The following PTGER3 variants were observed in gnomAD, a reference collection of about 807,000 sequenced individuals.
The protein encoded by PTGER3 is prostaglandin E receptor 3, also known as prostaglandin E2 receptor EP3 subtype.
A neutral mutation model predicts 34.7 loss-of-function variants in PTGER3; 22 were observed. The ratio of observed to expected loss-of-function variants is 0.63; its 90% CI spans 0.45 to 0.91. The LOEUF is 0.91. PTGER3 is among the 40% of genes least tolerant of loss of function. The pLI is 0.00. For missense variants in PTGER3, 468 were observed against 519.4 expected, an observed-to-expected ratio of 0.90 and a Z score of 0.96; for synonymous variants, 241 against 230.1, an observed-to-expected ratio of 1.05 and a Z score of -0.43.
intron 4 of PTGER3, among the ~76,000 whole-genome samples, chr1:70,897,386 A>C (rs913882845): frequency 1.3e-5 from 2 of 152,220 alleles, no homozygotes; most frequent in African/African-American, 4.8e-5. Flanking sequence ...TGCTGTCACC[A>C]AATGACTCTG....
rs184317831 is a variant in PTGER3 at position 70,885,926 on chromosome 1, T to C, written c.*24-33067A>G. On this transcript the variant is annotated intron_variant, in intron 4 of 4. Coordinates refer to the PTGER3 transcript ENST00000370931. Reference sequence around the variant, plus strand: ...CCTGATAGAAAAAATAATACTGTCCTTTTGTGACCATTTCTTATGCTTCAG... The same window carrying C: ...CCTGATAGAAAAAATAATACTGTCCCTTTGTGACCATTTCTTATGCTTCAG... Among the ~76,000 whole-genome samples the C allele has an allele frequency of 2.6e-5, 4 of 152,276 alleles. No individual in the cohort carries two copies. In the East Asian group the frequency reaches 7.7e-4, roughly 29 times the overall value.
At chr1:70,970,588 C>T (rs1436028281), downstream of PTGER3, among the ~76,000 whole-genome samples, 1 of 151,956 alleles carries the variant, frequency 6.6e-6, no homozygotes, top group African/African-American at 2.4e-5. Context: ...CCCAAGATGT[C>T]CTATAGGTGA....
In PTGER3 at chr1:71,009,218, C is replaced by T. The variant is rs949914074; in HGVS notation, c.1077+3087G>A. 12 of 985,260 alleles carry T rather than the reference C, an allele frequency of 1.2e-5. No homozygotes were observed. The South Asian group carries it at 4.7e-4, about 39-fold the overall frequency. 61.0% of individuals were successfully genotyped at this position (985,260 alleles called of 1,614,324 possible). A position where few individuals can be genotyped will look rare whatever the true frequency, so the allele number is the denominator to read the frequency against. On this transcript the variant is annotated intron_variant, in intron 2 of 3. Transcript: ENST00000306666. ...TACTGTTTGCCAGTTTTTAGTTTGT[C>T]TGTCACTCAATGCCAATGTGCTCAC...
chr1:70,897,360 T>C lies in PTGER3; in HGVS notation c.*24-44501A>G, dbSNP rs139004614. On this transcript the variant is annotated intron_variant, in intron 4 of 4. Coordinates refer to the PTGER3 transcript ENST00000370931. ...AATGAATAGTAAAAAAGAGGAGTTC[T>C]AAGGATATCAATCCCTGCTGTCACC... Among the ~76,000 whole-genome samples, 88 of 152,326 alleles carry C rather than the reference T, an allele frequency of 5.8e-4. 1 individual carries two copies. Among genetic ancestry groups the C allele is most frequent in the African/African-American group, 2.1e-3 (86 of 41,578 alleles).
At chr1:70,980,911 G>T (rs1435002018) in intron 2 of PTGER3, among the ~76,000 whole-genome samples, 1 of 152,066 alleles carries the variant, frequency 6.6e-6, no homozygotes, top group Non-Finnish European at 1.5e-5. Context: ...CAAGCAATAG[G>T]TTAGCCACTG....
chr1:71,042,551 T>C (rs1271431571), intron 1 of PTGER3, among the ~76,000 whole-genome samples: 3 of 152,174 alleles, frequency 2.0e-5, no homozygotes, highest in Admixed American at 2.0e-4. Context: ...AGAAAAATTA[T>C]AGAATATTTT....
intron 2 of PTGER3, chr1:71,010,069 T>A: frequency 1.0e-6 from 1 of 985,180 alleles, no homozygotes; most frequent in African/African-American, 1.7e-5. Flanking sequence ...CTGCCATTCA[T>A]CCCCTCCTAA....
intron 4 of PTGER3, among the ~76,000 whole-genome samples, chr1:70,883,066 A>G (rs1646426509): frequency 6.6e-6 from 1 of 152,200 alleles, no homozygotes; most frequent in African/African-American, 2.4e-5. Context: ...TCCTTACAGC[A>G]ACCCTAAAAG....
intron 4 of PTGER3, among the ~76,000 whole-genome samples, chr1:70,915,657 T>G (rs1647158937): frequency 6.6e-6 from 1 of 152,016 alleles, no homozygotes; most frequent in Non-Finnish European, 1.5e-5. Context: ...ATTGTCCATT[T>G]GGCCAATTTC....
chr1:70,928,396 G>A (rs896206282), intron 4 of PTGER3, among the ~76,000 whole-genome samples: 2 of 151,870 alleles, frequency 1.3e-5, no homozygotes, highest in East Asian at 1.9e-4. Flanking sequence ...CTCTTTGGGA[G>A]CCAAGGGGGA....
chr1:70,931,143 G>A (rs538597361), intron 4 of PTGER3, among the ~76,000 whole-genome samples: 2 of 152,262 alleles, frequency 1.3e-5, no homozygotes, highest in African/African-American at 4.8e-5. Flanking sequence ...AAATCAGCAG[G>A]GCAGTCAAAT....
rs34834591 is a variant in PTGER3 at position 70,990,386 on chromosome 1, C to CATATAT, written c.1078-16004_1078-15999dup. On this transcript the variant is annotated intron_variant, in intron 2 of 3. Transcript: ENST00000306666. The stretch of plus-strand genomic sequence containing the variant: ...ACACACACACACACACACACACACA[C>CATATAT]ATATATATATATATAAAATACATAT... 1.9e-3 allele frequency among the ~76,000 whole-genome samples: 251 copies of CATATAT among 131,372 alleles called. 2 individuals carry two copies. The highest frequency in any genetic ancestry group is 6.8e-3 in the African/African-American group (227 of 33,502). The allele number at this position is 131,372 out of a possible 152,430, so 86.2% of individuals were successfully genotyped here.
At chr1:70,925,413 A>G (rs1647965485) in intron 4 of PTGER3, among the ~76,000 whole-genome samples, 1 of 152,222 alleles carries the variant, frequency 6.6e-6, no homozygotes, top group Non-Finnish European at 1.5e-5. Context: ...AATACAATAA[A>G]TGCACTGCTG....
intron 2 of PTGER3, chr1:71,006,114 A>C (rs552915073): frequency 2.1e-6 from 2 of 937,946 alleles, no homozygotes; most frequent in Non-Finnish European, 2.5e-6. Context: ...TATTTCTGTT[A>C]TCTCTCTTAT....
intron 1 of PTGER3, among the ~76,000 whole-genome samples, chr1:71,023,149 C>T (rs376450604): frequency 3.9e-5 from 6 of 151,928 alleles, no homozygotes; most frequent in Admixed American, 2.0e-4. Flanking sequence ...CCAAAACCTG[C>T]TGCAGCCTGA....
intron 2 of PTGER3, 126 bp from the exon 3 acceptor site, chr1:70,974,514 C>T: frequency 1.7e-6 from 1 of 596,506 alleles, no homozygotes; most frequent in South Asian, 2.0e-5. Flanking sequence ...TATTACCTTC[C>T]TAGGACCATC....
chr1:70,875,906 C>T (rs1399449048), intron 4 of PTGER3, among the ~76,000 whole-genome samples: 2 of 152,046 alleles, frequency 1.3e-5, no homozygotes, highest in Non-Finnish European at 2.9e-5. Flanking sequence ...ACATACGCAC[C>T]CATGAGTCTT....
intron 4 of PTGER3, among the ~76,000 whole-genome samples, chr1:70,873,801 G>A (rs1572514851): frequency 6.6e-6 from 1 of 151,890 alleles, no homozygotes. Flanking sequence ...GCACGCACCA[G>A]CATGCCTGGC....
At chr1:70,927,076 A>G (rs1003582500) in intron 4 of PTGER3, among the ~76,000 whole-genome samples, 1 of 152,230 alleles carries the variant, frequency 6.6e-6, no homozygotes, top group African/African-American at 2.4e-5. Flanking sequence ...TTCTGGATTC[A>G]GTTTGCCAGT....
Sources: allele counts gnomAD v4.1 joint callset (sites outside exome capture counted in the v4.1 genomes callset), GRCh38; gene constraint gnomAD v4.1.1; transcripts MANE v1.5; gene names NCBI Gene and HGNC (gene_info 2026-07-23, HGNC 2026-07-21).